The following ALB variants were observed in gnomAD, a reference collection of about 807,000 sequenced individuals.
ALB encodes the protein serum albumin.
Under a neutral mutation model 74.5 loss-of-function variants are expected in ALB, and 37 were observed. The observed-to-expected ratio is 0.50, with a 90% CI of 0.38 to 0.65. The LOEUF (loss-of-function observed/expected upper bound fraction) is 0.65, where lower values mean the gene tolerates loss of function less well. Ranked by LOEUF, ALB falls within the 30% of genes least tolerant of loss-of-function variation. The probability of loss-of-function intolerance (pLI) is 0.00; values close to 1 mark genes in which losing one functional copy is unlikely to be tolerated. For missense variants in ALB, 685 were observed against 718.7 expected (o/e 0.95, Z 0.54); for synonymous variants, 249 against 251.6 (o/e 0.99, Z 0.10).
chr4:73,418,598 T>A (rs1399831888), intron 12 of ALB, among the ~76,000 whole-genome samples: 1 of 152,190 alleles, frequency 6.6e-6, no homozygotes, highest in Admixed American at 6.5e-5. Flanking sequence ...AACAATTAAC[T>A]GATAAATTTG....
intron 3 of ALB, 141 bp from the exon 4 acceptor site, chr4:73,408,453 A>G: frequency 1.4e-6 from 1 of 715,094 alleles, no homozygotes; most frequent in East Asian, 2.7e-5. Flanking sequence ...AGAAACTGTA[A>G]ACCTCGATTG....
intron 13 of ALB, 103 bp from the exon 14 acceptor site, chr4:73,420,151 C>A (rs775040322): frequency 9.9e-7 from 1 of 1,009,898 alleles, no homozygotes; most frequent in Non-Finnish European, 1.5e-6. Flanking sequence ...ATATGATGCA[C>A]GTGAAATCAC....
At position 73,415,105 on chromosome 4, in the gene ALB, T is replaced by C. The variant is rs1718980334; in HGVS notation, c.1129T>C (p.Tyr377His). The C allele has an allele frequency of 1.9e-6, 3 of 1,614,146 alleles. No individual in the cohort carries two copies. Among genetic ancestry groups the C allele is most frequent in the Admixed American group, 3.3e-5 (2 of 60,014 alleles). The change falls in exon 9 of 15, where the codon TAT becomes CAT. Residue 377 changes from tyrosine (Y) to histidine (H), a missense_variant. By Grantham distance (83) the Tyr-to-His change is moderately conservative. Transcript: ENST00000295897. ...GCTGCTGCTGAGACTTGCCAAGACA[T>C]ATGAAACCACTCTAGAGAAGTGCTG... ...VVLLLRLAKT[Y>H]ETTLEKCCAA...
chr4:73,409,043 G>C (rs1718801904), intron 4 of ALB: 2 of 576,368 alleles, frequency 3.5e-6, no homozygotes, highest in Admixed American at 3.1e-5. Flanking sequence ...AAAAATTTAA[G>C]ATAGACAAAT....
chr4:73,404,521 A>G (rs1015196134), intron 1 of ALB, 115 bp downstream of exon 1: 9 of 895,434 alleles, frequency 1.0e-5, no homozygotes, highest in South Asian at 7.0e-5. Context: ...CTAAAATGGC[A>G]TAGTATTTTG....
chr4:73,412,375 C>T (rs2149328272), intron 7 of ALB: 1 of 530,998 alleles, frequency 1.9e-6, no homozygotes, highest in Admixed American at 2.9e-5. Flanking sequence ...TAAATGAAGG[C>T]TTAAACTGAA....
intron 6 of ALB, 41 bp from the exon 7 acceptor site, chr4:73,411,955 T>A (rs1560856678): frequency 6.2e-7 from 1 of 1,612,864 alleles, no homozygotes; most frequent in Non-Finnish European, 8.5e-7. Flanking sequence ...ATATAAAATA[T>A]CGCATGATAA....
At chr4:73,416,014 A>G (rs1482481646) in intron 9 of ALB, among the ~76,000 whole-genome samples, 1 of 152,196 alleles carries the variant, frequency 6.6e-6, no homozygotes, top group Non-Finnish European at 1.5e-5. Flanking sequence ...AATGAGTTAC[A>G]TGACTTGGCT....
At chr4:73,411,023 C>T (rs1433408791) in intron 6 of ALB, among the ~76,000 whole-genome samples, 1 of 152,074 alleles carries the variant, frequency 6.6e-6, no homozygotes, top group African/African-American at 2.4e-5. Context: ...TTTCATATTA[C>T]TTAGTTGGTT....
chr4:73,414,917 T>C, intron 8 of ALB, 118 bp from the exon 9 acceptor site: 1 of 1,290,028 alleles, frequency 7.8e-7, no homozygotes, highest in Non-Finnish European at 1.1e-6. Context: ...TAAGCTTTAC[T>C]GCATGGGGTT....
chr4:73,411,977 T>C lies in ALB; in HGVS notation c.714-19T>C. The stretch of plus-strand genomic sequence containing the variant: ...ATATCGCATGATAATACCATTTTGA[T>C]TGGCGATTTTCTTTTTAGGGCAGTA... On this transcript the variant is annotated intron_variant, in intron 6 of 14. Coordinates refer to ENST00000295897, the MANE Select transcript of ALB (RefSeq NM_000477.7). 3.1e-6 allele frequency: 5 copies of C among 1,614,068 alleles called. No homozygotes were observed. In the South Asian group the frequency reaches 5.5e-5, roughly 18 times the overall value.
chr4:73,418,783 T>G (rs1469586206), intron 12 of ALB, among the ~76,000 whole-genome samples: 1 of 152,166 alleles, frequency 6.6e-6, no homozygotes, highest in Non-Finnish European at 1.5e-5. Context: ...GAAGCTCAAC[T>G]CCCTATTGCT....
At chr4:73,409,538 G>T in intron 5 of ALB, 51 bp downstream of exon 5, 1 of 1,612,288 alleles carries the variant, frequency 6.2e-7, no homozygotes, top group Non-Finnish European at 8.5e-7. Flanking sequence ...ACCTGATTTT[G>T]TCCATTTTGT....
intron 7 of ALB, 21 bp from the exon 8 acceptor site, chr4:73,413,398 AT>A: frequency 6.3e-7 from 1 of 1,599,652 alleles, no homozygotes; most frequent in Non-Finnish European, 8.6e-7. Flanking sequence ...GTGTTGAACA[AT>A]TTCCACCAAC....
Position 73,416,419 on chromosome 4 carries a change from C to T in ALB, c.1289+66C>T. On this transcript the variant is annotated intron_variant, in intron 10 of 14. Coordinates refer to ENST00000295897, the MANE Select transcript of ALB (RefSeq NM_000477.7). ...AATTATTTAAGACTTAATATATGAG[C>T]CACCTAGCATAGAACTTTTAAGAAT... 7 of 1,130,900 alleles carry T rather than the reference C, an allele frequency of 6.2e-6. No individual in the cohort carries two copies. In the South Asian group the frequency reaches 6.5e-5, roughly 10 times the overall value. The allele number at this position is 1,130,900 out of a possible 1,614,324, so 70.1% of individuals were successfully genotyped here.
chr4:73,407,266 C>T (rs918350721), intron 3 of ALB, among the ~76,000 whole-genome samples: 6 of 152,080 alleles, frequency 3.9e-5, no homozygotes, highest in Non-Finnish European at 5.9e-5. Context: ...CCCCTCGTTT[C>T]GTCCTCCCCC....
At chr4:73,408,521 C>G in intron 3 of ALB, 73 bp from the exon 4 acceptor site, 1 of 1,325,124 alleles carries the variant, frequency 7.5e-7, no homozygotes, top group Non-Finnish European at 1.1e-6. Context: ...TATATTAAAT[C>G]CTTTGTACTG....
At chr4:73,410,465 C>A in intron 6 of ALB, 56 bp downstream of exon 6, 1 of 1,275,742 alleles carries the variant, frequency 7.8e-7, no homozygotes, top group Non-Finnish European at 1.1e-6. Flanking sequence ...GATAATGCTT[C>A]AGTGACAAAT....
At chr4:73,408,497 C>T (rs1718788608) in intron 3 of ALB, 97 bp from the exon 4 acceptor site, 4 of 1,093,478 alleles carry the variant, frequency 3.7e-6, no homozygotes, top group East Asian at 5.1e-5. Flanking sequence ...GATTTCCTGA[C>T]CAAGCTTAAC....
Sources: allele counts gnomAD v4.1 joint callset (sites outside exome capture counted in the v4.1 genomes callset), GRCh38; gene constraint gnomAD v4.1.1; transcripts MANE v1.5; gene names NCBI Gene and HGNC (gene_info 2026-07-23, HGNC 2026-07-21).